Variants in NTRK2 observed in about 807,000 individuals in gnomAD.
The protein encoded by NTRK2 is BDNF/NT-3 growth factors receptor.
Under a neutral mutation model 94.5 loss-of-function variants are expected in NTRK2, and 13 were observed. That is an observed-to-expected ratio of 0.14 (90% CI 0.09 to 0.22). The LOEUF is 0.22. NTRK2 is among the 10% of genes least tolerant of loss of function. The pLI is 1.00. For synonymous variants in NTRK2, 372 were observed against 407.4 expected (o/e 0.91, Z 1.05); for missense variants, 639 against 1,071.2 (o/e 0.60, Z 5.63).
chr9:84,901,335 G>C (rs1358489519), intron 14 of NTRK2, among the ~76,000 whole-genome samples: 1 of 151,794 alleles, frequency 6.6e-6, no homozygotes, highest in East Asian at 1.9e-4. Flanking sequence ...CAATTCTCCT[G>C]CCTCAGCCTC....
chr9:84,797,595 C>T (rs1184357470), intron 12 of NTRK2, among the ~76,000 whole-genome samples: 1 of 69,630 alleles, frequency 1.4e-5, no homozygotes, highest in African/African-American at 6.1e-5. Flanking sequence ...ACTATATATA[C>T]TATATATTAT....
chr9:84,736,808 A>G (rs1006555926), intron 9 of NTRK2, among the ~76,000 whole-genome samples: 1 of 152,202 alleles, frequency 6.6e-6, no homozygotes, highest in South Asian at 2.1e-4. Flanking sequence ...TTACAGAAAA[A>G]GTGGAGACTC....
Position 84,816,837 on chromosome 9 carries a change from G to T in NTRK2, c.1397-44203G>T, listed in dbSNP as rs1429561899. ...GCCCAAACTTCAGTGTTAGTGACTT[G>T]TGCTTTTTCCAAACTCCCTTCTCCA... On this transcript the variant is annotated intron_variant, in intron 12 of 18. Transcript: ENST00000277120. Among the ~76,000 whole-genome samples, 36 of 150,368 alleles carry T rather than the reference G, an allele frequency of 2.4e-4. 1 individual carries two copies. The highest frequency in any genetic ancestry group is 1.9e-3 in the Admixed American group (28 of 15,092).
intron 12 of NTRK2, among the ~76,000 whole-genome samples, chr9:84,803,782 T>C (rs1487576555): frequency 6.6e-6 from 1 of 152,224 alleles, no homozygotes; most frequent in African/African-American, 2.4e-5. Flanking sequence ...TGGGGATTAT[T>C]AGCCCCACAT....
intron 12 of NTRK2, among the ~76,000 whole-genome samples, chr9:84,785,302 A>G (rs13289538): frequency 0.044 from 6,705 of 152,234 alleles, 186 homozygotes; most frequent in Admixed American, 0.061. Context: ...AAAACCAACT[A>G]TTTGCTGAAA....
intron 12 of NTRK2, among the ~76,000 whole-genome samples, chr9:84,769,801 A>G (rs948145706): frequency 2.0e-5 from 3 of 152,212 alleles, no homozygotes; most frequent in African/African-American, 4.8e-5. Flanking sequence ...CAAACCTTCA[A>G]AATTGAATTT....
intron 14 of NTRK2, among the ~76,000 whole-genome samples, chr9:84,869,862 T>C (rs937191641): frequency 6.6e-6 from 1 of 152,126 alleles, no homozygotes; most frequent in Admixed American, 6.6e-5. Flanking sequence ...CCTACATAGT[T>C]GTTTATTTAT....
intron 12 of NTRK2, among the ~76,000 whole-genome samples, chr9:84,799,554 A>G: frequency 6.6e-6 from 1 of 151,674 alleles, no homozygotes; most frequent in East Asian, 1.9e-4. Context: ...ACTGCCAGCT[A>G]GGAACTATTG....
chr9:84,984,613 C>T (rs1828069219), intron 17 of NTRK2, among the ~76,000 whole-genome samples: 1 of 152,212 alleles, frequency 6.6e-6, no homozygotes. Context: ...GCCAATATGG[C>T]TGGCCTGGGG....
intron 17 of NTRK2, among the ~76,000 whole-genome samples, chr9:85,003,530 C>A (rs4474094): frequency 0.73 from 111,100 of 151,986 alleles, 41,248 homozygotes; most frequent in African/African-American, 0.82. Flanking sequence ...GGAGAGATGT[C>A]GGTGGGGAGG....
intron 6 of NTRK2, among the ~76,000 whole-genome samples, chr9:84,717,309 C>T (rs931812380): frequency 1.3e-5 from 2 of 152,232 alleles, no homozygotes; most frequent in Non-Finnish European, 2.9e-5. Context: ...AAAACCCAAC[C>T]TTAACCCATC....
chr9:84,784,857 T>G (rs1389402224), intron 12 of NTRK2, among the ~76,000 whole-genome samples: 3 of 152,266 alleles, frequency 2.0e-5, no homozygotes, highest in South Asian at 4.1e-4. Context: ...TCTGAGTTAT[T>G]AACATTTTAA....
chr9:84,881,411 A>G (rs2076250802), intron 14 of NTRK2, among the ~76,000 whole-genome samples: 1 of 152,216 alleles, frequency 6.6e-6, no homozygotes, highest in Non-Finnish European at 1.5e-5. Flanking sequence ...GCAGTAGTCA[A>G]TGACTGATAT....
At chr9:84,854,173 G>A (rs1295259210) in intron 12 of NTRK2, among the ~76,000 whole-genome samples, 1 of 152,244 alleles carries the variant, frequency 6.6e-6, no homozygotes, top group East Asian at 1.9e-4. Flanking sequence ...ACAGGTGGGA[G>A]TTGGAGGGTA....
intron 2 of NTRK2, among the ~76,000 whole-genome samples, chr9:84,681,829 T>C (rs2131403171): frequency 6.6e-6 from 1 of 152,218 alleles, no homozygotes; most frequent in South Asian, 2.1e-4. Context: ...TTTGTTTCAG[T>C]TTTTAAAGAA....
chr9:84,752,237 A>G, intron 12 of NTRK2, 152 bp downstream of exon 12: 1 of 702,388 alleles, frequency 1.4e-6, no homozygotes, highest in Non-Finnish European at 2.6e-6. Context: ...ACTACAAATC[A>G]AGACGGAGCA....
At chr9:84,891,494 C>T (rs920621410) in intron 14 of NTRK2, among the ~76,000 whole-genome samples, 8 of 152,066 alleles carry the variant, frequency 5.3e-5, no homozygotes, top group African/African-American at 1.7e-4. Context: ...TCAAGTAAAA[C>T]GAACTCTTGT....
At chr9:84,896,252 A>G (rs1348303242) in intron 14 of NTRK2, among the ~76,000 whole-genome samples, 1 of 152,236 alleles carries the variant, frequency 6.6e-6, no homozygotes, top group Non-Finnish European at 1.5e-5. Flanking sequence ...GATTTGTGAC[A>G]TACGCCCTGT....
intron 13 of NTRK2, among the ~76,000 whole-genome samples, chr9:84,862,121 G>T (rs999258584): frequency 1.3e-5 from 2 of 152,156 alleles, no homozygotes; most frequent in African/African-American, 4.8e-5. Flanking sequence ...CTAGCTCCAT[G>T]GATTCCAAGG....
Sources: gnomAD v4.1 joint callset for allele counts (sites outside exome capture counted in the v4.1 genomes callset) on GRCh38, gnomAD v4.1.1 for gene constraint, MANE v1.5 for transcripts, NCBI Gene and HGNC (gene_info 2026-07-23, HGNC 2026-07-21) for gene names.